The following ADD3 variants were observed in gnomAD, a reference collection of about 807,000 sequenced individuals.
ADD3 encodes the protein adducin 3, also known as gamma-adducin.
Under a neutral mutation model 80.2 loss-of-function variants are expected in ADD3, and 25 were observed. The observed-to-expected ratio is 0.31, with a 90% CI of 0.23 to 0.44. The LOEUF (loss-of-function observed/expected upper bound fraction) is 0.44, where lower values mean the gene tolerates loss of function less well. Ranked by LOEUF, ADD3 falls within the 20% of genes least tolerant of loss-of-function variation. The pLI, the probability that ADD3 is intolerant of heterozygous loss-of-function variation, is 1.00. For missense variants in ADD3, 829 were observed against 847.5 expected, an observed-to-expected ratio of 0.98 and a Z score of 0.27; for synonymous variants, 284 against 289.6, an observed-to-expected ratio of 0.98 and a Z score of 0.20.
chr10:110,084,546 G>A (rs181521948), intron 1 of ADD3, among the ~76,000 whole-genome samples: 119 of 152,280 alleles, frequency 7.8e-4, no homozygotes, highest in Middle Eastern at 3.4e-3. Flanking sequence ...TAGATAAAGT[G>A]AAAAGTATTG....
At chr10:110,001,116 C>G (rs1564822468), upstream of ADD3, among the ~76,000 whole-genome samples, 1 of 152,048 alleles carries the variant, frequency 6.6e-6, no homozygotes, top group Non-Finnish European at 1.5e-5. Context: ...TATTATCTTA[C>G]AGATTAAGAT....
intron 1 of ADD3, among the ~76,000 whole-genome samples, chr10:109,999,344 A>T (rs1220919482): frequency 6.6e-6 from 1 of 152,216 alleles, no homozygotes; most frequent in East Asian, 1.9e-4. Context: ...CCTGTCTCAG[A>T]AAGCTCACAT....
At chr10:110,063,753 A>ATATATATATATATATATG (rs1843532481) in intron 1 of ADD3, among the ~76,000 whole-genome samples, 1 of 55,638 alleles carries the variant, frequency 1.8e-5, no homozygotes, top group East Asian at 1.3e-3. Context: ...ATATATATAT[A>ATATATATATATATATATG]TATATATATA....
intron 1 of ADD3, among the ~76,000 whole-genome samples, chr10:110,097,276 C>A (rs1848276741): frequency 6.6e-6 from 1 of 152,016 alleles, no homozygotes; most frequent in Non-Finnish European, 1.5e-5. Flanking sequence ...GTTTTGTATC[C>A]TATCTTACCT....
intron 1 of ADD3, among the ~76,000 whole-genome samples, chr10:110,094,752 T>A (rs1847958453): frequency 6.6e-6 from 1 of 152,176 alleles, no homozygotes; most frequent in Non-Finnish European, 1.5e-5. Flanking sequence ...TTGTGTAGGG[T>A]CTAAGTTGTT....
At chr10:109,996,398 A>T (rs1851381397) in exon 1 of ADD3, 1 of 152,180 alleles carries the variant, frequency 6.6e-6, no homozygotes, top group Non-Finnish European at 1.5e-5. Flanking sequence ...TGTGAATGAG[A>T]CTGTGAGAAA....
chr10:110,072,520 TG>T (rs942324314), intron 1 of ADD3, among the ~76,000 whole-genome samples: 5 of 152,180 alleles, frequency 3.3e-5, no homozygotes, highest in African/African-American at 4.8e-5. Context: ...CAGAGGGTTG[TG>T]GGACTTGAGG....
intron 13 of ADD3, among the ~76,000 whole-genome samples, chr10:110,130,701 A>T (rs961206786): frequency 6.6e-6 from 1 of 152,022 alleles, no homozygotes; most frequent in Non-Finnish European, 1.5e-5. Flanking sequence ...ATTAAAAATT[A>T]AAAAATTAGC....
intron 11 of ADD3, among the ~76,000 whole-genome samples, 187 bp downstream of exon 11, chr10:110,126,132 A>G (rs1852113429): frequency 6.6e-6 from 1 of 152,240 alleles, no homozygotes; most frequent in Non-Finnish European, 1.5e-5. Context: ...TGAACAGGCT[A>G]CATGGGGAAG....
chr10:110,071,941 C>T (rs191876094), intron 1 of ADD3, among the ~76,000 whole-genome samples: 11 of 152,214 alleles, frequency 7.2e-5, no homozygotes, highest in Non-Finnish European at 1.0e-4. Flanking sequence ...TTTCACTTAT[C>T]CCCAACCTTG....
At chr10:110,039,450 T>C (rs1248392694) in intron 1 of ADD3, among the ~76,000 whole-genome samples, 1 of 152,222 alleles carries the variant, frequency 6.6e-6, no homozygotes, top group Non-Finnish European at 1.5e-5. Context: ...CCCAGCCACC[T>C]GGATATAATC....
chr10:110,079,457 A>AGTGTGT (rs1467567910), intron 1 of ADD3, among the ~76,000 whole-genome samples: 1 of 121,120 alleles, frequency 8.3e-6, no homozygotes, highest in African/African-American at 3.8e-5. Context: ...AGAGAGAGAG[A>AGTGTGT]GAGAGTGTGT....
At chr10:110,110,837 C>G (rs1237386929) in intron 2 of ADD3, among the ~76,000 whole-genome samples, 1 of 151,842 alleles carries the variant, frequency 6.6e-6, no homozygotes, top group Non-Finnish European at 1.5e-5. Context: ...TCTACTAAAA[C>G]TACAAAAATT....
chr10:110,112,851 A>G lies in ADD3; in HGVS notation c.270A>G (p.Ala90=). ...GCCACAACCCAACTGGATTACTAGC[A>G]TTACAGCAGATTGCAGATTACATCA... ...KKGHNPTGLL[A]LQQIADYIMA... Residue 90 remains alanine (A), a synonymous_variant, in exon 3 of 15, where the codon GCA becomes GCG. Coordinates refer to ENST00000356080, the MANE Select transcript of ADD3 (RefSeq NM_016824.5). 2.5e-6 allele frequency: 4 copies of G among 1,614,142 alleles called. No individual in the cohort carries two copies. Among genetic ancestry groups the G allele is most frequent in the South Asian group, 2.2e-5 (2 of 91,080 alleles).
chr10:110,087,939 A>G (rs1847003758), intron 1 of ADD3, among the ~76,000 whole-genome samples: 1 of 152,168 alleles, frequency 6.6e-6, no homozygotes, highest in Non-Finnish European at 1.5e-5. Context: ...GTCTGAGGGA[A>G]AAATCTATTC....
chr10:110,121,582 A>G (rs1203018936), intron 8 of ADD3, among the ~76,000 whole-genome samples: 2 of 151,714 alleles, frequency 1.3e-5, no homozygotes, highest in South Asian at 2.1e-4. Context: ...AAGAACAACT[A>G]AAAAAAAACT....
At chr10:110,116,490 A>G in intron 4 of ADD3, 80 bp downstream of exon 4, 1 of 1,445,662 alleles carries the variant, frequency 6.9e-7, no homozygotes, top group Non-Finnish European at 9.5e-7. Context: ...TTTACCTGGA[A>G]GTCCAGTTTT....
intron 1 of ADD3, among the ~76,000 whole-genome samples, chr10:110,013,612 C>T (rs888945664): frequency 2.0e-5 from 3 of 152,108 alleles, no homozygotes; most frequent in African/African-American, 7.2e-5. Context: ...ATCACAGATA[C>T]GTTAAGGCAA....
intron 1 of ADD3, among the ~76,000 whole-genome samples, chr10:110,038,137 C>T (rs1035997326): frequency 7.4e-5 from 11 of 148,874 alleles, no homozygotes; most frequent in Non-Finnish European, 1.3e-4. Flanking sequence ...TAAAAATTAG[C>T]AGTAAACCAC....
Sources: allele counts gnomAD v4.1 joint callset (sites outside exome capture counted in the v4.1 genomes callset), GRCh38; gene constraint gnomAD v4.1.1; transcripts MANE v1.5; gene names NCBI Gene and HGNC (gene_info 2026-07-23, HGNC 2026-07-21).